Variants in CADM1 observed in about 807,000 individuals in gnomAD.
CADM1 encodes the protein TSLC-1.
Under a neutral mutation model 53.1 loss-of-function variants are expected in CADM1, and 15 were observed. That is an observed-to-expected ratio of 0.28 (90% CI 0.19 to 0.44). The LOEUF (loss-of-function observed/expected upper bound fraction) is 0.44. CADM1 is among the 20% of genes least tolerant of loss of function. The pLI, the probability that CADM1 is intolerant of heterozygous loss-of-function variation, is 1.00. For missense variants in CADM1, 434 were observed against 611.3 expected, an observed-to-expected ratio of 0.71 and a Z score of 3.06; for synonymous variants, 281 against 243.0, an observed-to-expected ratio of 1.16 and a Z score of -1.45.
intron 1 of CADM1, among the ~76,000 whole-genome samples, chr11:115,395,636 C>T (rs920914150): frequency 2.6e-5 from 4 of 152,238 alleles, no homozygotes; most frequent in Admixed American, 6.5e-5. Flanking sequence ...AGTGACAAAT[C>T]GCCAGCAATC....
chr11:115,402,780 CA>C (rs1311096153), intron 1 of CADM1, among the ~76,000 whole-genome samples: 4 of 152,032 alleles, frequency 2.6e-5, no homozygotes, highest in African/African-American at 9.7e-5. Context: ...GGGGAAATAG[CA>C]CCTTTGTATG....
intron 1 of CADM1, among the ~76,000 whole-genome samples, chr11:115,444,457 T>C (rs150405213): frequency 3.8e-4 from 58 of 152,318 alleles, no homozygotes; most frequent in Middle Eastern, 3.4e-3. Context: ...AGCTGATCAC[T>C]TGTGTTTTTT....
rs551551391 is a variant in CADM1, at chr11:115,429,333, C to T, written c.124+74938G>A. 2.6e-5 allele frequency among the ~76,000 whole-genome samples: 4 copies of T among 152,170 alleles called. No homozygotes were observed. In the South Asian group the frequency reaches 6.2e-4, roughly 24 times the overall value. ...ATTATTCTAAAAGATCCTGGCTGGG[C>T]GCGGTGGCTCATGCCTGTAATCCCA... On this transcript the variant is annotated intron_variant, in intron 1 of 11. Coordinates refer to ENST00000331581, the MANE Select transcript of CADM1 (RefSeq NM_001301043.2).
intron 1 of CADM1, among the ~76,000 whole-genome samples, chr11:115,488,434 A>G (rs1427399785): frequency 6.6e-6 from 1 of 152,218 alleles, no homozygotes; most frequent in African/African-American, 2.4e-5. Context: ...CACTTATGAC[A>G]GTGAGAAAAA....
intron 1 of CADM1, among the ~76,000 whole-genome samples, chr11:115,295,902 C>T (rs1210574347): frequency 1.3e-5 from 2 of 152,112 alleles, no homozygotes; most frequent in Non-Finnish European, 2.9e-5. Flanking sequence ...CCTCATTTGT[C>T]AATGCTTAAC....
intron 10 of CADM1, among the ~76,000 whole-genome samples, chr11:115,184,392 A>G (rs968324266): frequency 6.6e-6 from 1 of 152,170 alleles, no homozygotes; most frequent in Non-Finnish European, 1.5e-5. Context: ...GCTAATCCTA[A>G]TATGTTATTC....
intron 1 of CADM1, among the ~76,000 whole-genome samples, chr11:115,325,840 T>C (rs1364808009): frequency 6.6e-6 from 1 of 152,208 alleles, no homozygotes; most frequent in Non-Finnish European, 1.5e-5. Context: ...TTAATTGTAT[T>C]CTATGATACT....
At chr11:115,438,291 CT>C (rs1310866792) in intron 1 of CADM1, among the ~76,000 whole-genome samples, 11 of 152,004 alleles carry the variant, frequency 7.2e-5, no homozygotes, top group Admixed American at 7.2e-4. Flanking sequence ...GTTTCCAGAT[CT>C]TTTTTTATTT....
At chr11:115,238,457 C>G in intron 3 of CADM1, 43 bp downstream of exon 3, 1 of 1,605,156 alleles carries the variant, frequency 6.2e-7, no homozygotes, top group Non-Finnish European at 8.5e-7. Context: ...AAAGGGCCAT[C>G]TCTATTCCAT....
intron 10 of CADM1, among the ~76,000 whole-genome samples, chr11:115,183,076 G>A (rs1302166456): frequency 6.6e-6 from 1 of 152,212 alleles, no homozygotes. Flanking sequence ...CCTTGGGCCA[G>A]TTGACCTGGC....
chr11:115,307,838 T>C (rs924086888), intron 1 of CADM1, among the ~76,000 whole-genome samples: 1 of 151,850 alleles, frequency 6.6e-6, no homozygotes, highest in Non-Finnish European at 1.5e-5. Flanking sequence ...TTATATCCTT[T>C]CCTTCTATGA....
chr11:115,459,244 A>C (rs1471679283), intron 1 of CADM1, among the ~76,000 whole-genome samples: 1 of 152,126 alleles, frequency 6.6e-6, no homozygotes, highest in African/African-American at 2.4e-5. Flanking sequence ...CTCTGATTAG[A>C]TCTTACTGCA....
Position 115,328,680 on chromosome 11 carries a change from GTA to G in CADM1, c.125-88262_125-88261del, listed in dbSNP as rs1218872899. 6.1e-4 allele frequency among the ~76,000 whole-genome samples: 22 copies of G among 35,812 alleles called. 1 individual carries two copies. Among genetic ancestry groups the G allele is most frequent in the African/African-American group, 1.3e-3 (17 of 13,438 alleles). The allele number at this position is 35,812 out of a possible 152,430, so 23.5% of individuals were successfully genotyped here. On this transcript the variant is annotated intron_variant, in intron 1 of 11. Transcript: ENST00000331581. The stretch of plus-strand genomic sequence containing the variant: ...ACACACGCACACTATATATATATGT[GTA>G]TATATATGTGTATATATATGTATAT...
At chr11:115,360,936 A>G (rs772513633) in intron 1 of CADM1, among the ~76,000 whole-genome samples, 30 of 152,210 alleles carry the variant, frequency 2.0e-4, no homozygotes, top group Non-Finnish European at 4.1e-4. Flanking sequence ...TGTAGTCCTC[A>G]CGGCAATCAC....
At chr11:115,459,133 T>C (rs1196756286) in intron 1 of CADM1, among the ~76,000 whole-genome samples, 1 of 152,130 alleles carries the variant, frequency 6.6e-6, no homozygotes, top group African/African-American at 2.4e-5. Context: ...GGTTCCATAA[T>C]TATAACTGCA....
chr11:115,387,252 C>T (rs763699997), intron 1 of CADM1, among the ~76,000 whole-genome samples: 1 of 152,074 alleles, frequency 6.6e-6, no homozygotes, highest in Non-Finnish European at 1.5e-5. Context: ...AAATAAATGA[C>T]CAACTTCTAG....
At chr11:115,497,456 G>A (rs968528468) in intron 1 of CADM1, among the ~76,000 whole-genome samples, 11 of 152,154 alleles carry the variant, frequency 7.2e-5, no homozygotes, top group African/African-American at 2.4e-4. Context: ...AAGGCCACAC[G>A]TCATTTGAGC....
chr11:115,375,927 T>C (rs559478641), intron 1 of CADM1, among the ~76,000 whole-genome samples: 11 of 152,302 alleles, frequency 7.2e-5, no homozygotes, highest in Admixed American at 3.9e-4. Flanking sequence ...GTATATTGCA[T>C]AGCACAAACA....
At position 115,175,292 on chromosome 11, in the gene CADM1, G is replaced by C; in HGVS notation, c.*1182C>G. The stretch of plus-strand genomic sequence containing the variant: ...GAATGAAAGTTTCACACAGATTCGA[G>C]TTGGAAATCCCAGCATGACAAATAT... On this transcript the variant is annotated 3_prime_UTR_variant, in exon 12 of 12. Transcript: ENST00000331581. The C allele has an allele frequency of 3.1e-6, 3 of 983,538 alleles. No homozygotes were observed. The highest frequency in any genetic ancestry group is 3.6e-6 in the Non-Finnish European group (3 of 829,540). The allele number at this position is 983,538 out of a possible 1,614,324, so 60.9% of individuals were successfully genotyped here.
Sources: gnomAD v4.1 joint callset for allele counts (sites outside exome capture counted in the v4.1 genomes callset) on GRCh38, gnomAD v4.1.1 for gene constraint, MANE v1.5 for transcripts, NCBI Gene and HGNC (gene_info 2026-07-23, HGNC 2026-07-21) for gene names.